RASGRF1: variants seen among roughly 807,000 people sequenced by gnomAD.
The protein encoded by RASGRF1 is Ras protein specific guanine nucleotide releasing factor 1.
A neutral mutation model predicts 138.7 loss-of-function variants in RASGRF1; 40 were observed. The observed-to-expected ratio is 0.29, with a 90% CI of 0.22 to 0.38. The LOEUF is 0.38. Ranked by LOEUF, RASGRF1 falls within the 10% of genes least tolerant of loss-of-function variation. RASGRF1 has a pLI of 1.00. For synonymous variants in RASGRF1, 614 were observed against 663.2 expected (o/e 0.93, Z 1.14); for missense variants, 1,108 against 1,650.4 (o/e 0.67, Z 5.69).
intron 2 of RASGRF1, among the ~76,000 whole-genome samples, chr15:79,062,689 A>AC (rs1020700137): frequency 1.3e-5 from 2 of 151,124 alleles, no homozygotes; most frequent in Non-Finnish European, 2.9e-5. Flanking sequence ...CTTCCCTACC[A>AC]CCCCCCGCTA....
In RASGRF1 at chr15:78,971,924, A is replaced by G; in HGVS notation, c.3623T>C (p.Ile1208Thr). The change falls in exon 26 of 27, where the codon ATT (isoleucine) becomes ACT (threonine). Residue 1208 changes from isoleucine (I) to threonine (T), a missense_variant. Physicochemically the swap from Ile to Thr is moderately conservative, Grantham distance 89. Around this residue, in one of 3 missense-constraint regions of RASGRF1, gnomAD observed 686 missense variants for 976.7 expected, o/e 0.70. Transcript: ENST00000558480. Reference sequence around the variant, plus strand: ...TTGAAACTGGCGAATCTCTCGGATAATATGGGATATCTGTGGGAAGGAAGG... The same window carrying G: ...TTGAAACTGGCGAATCTCTCGGATAGTATGGGATATCTGTGGGAAGGAAGG... ...NFSKMRMISH[I>T]IREIRQFQQT... 1 of 1,581,734 alleles carries G rather than the reference A, an allele frequency of 6.3e-7. No individual in the cohort carries two copies. Among genetic ancestry groups the G allele is most frequent in the Non-Finnish European group, 8.7e-7 (1 of 1,150,498 alleles).
At chr15:78,964,076 A>C (rs1238360926) in intron 26 of RASGRF1, among the ~76,000 whole-genome samples, 3 of 151,862 alleles carry the variant, frequency 2.0e-5, no homozygotes, top group Admixed American at 2.0e-4. Flanking sequence ...AAGTCAGGCT[A>C]ATTTTCCTAA....
intron 24 of RASGRF1, among the ~76,000 whole-genome samples, chr15:78,976,420 G>A (rs1162914792): frequency 6.6e-6 from 1 of 152,152 alleles, no homozygotes; most frequent in African/African-American, 2.4e-5. Flanking sequence ...ATCTCTTAAT[G>A]TTTTAAGAAA....
Position 79,001,388 on chromosome 15 carries a change from G to T in RASGRF1, c.2575+274C>A, listed in dbSNP as rs1258636311. Among the ~76,000 whole-genome samples, 4 of 151,430 alleles carry T rather than the reference G, an allele frequency of 2.6e-5. No individual in the cohort carries two copies. The East Asian group carries it at 7.8e-4, about 29-fold the overall frequency. ...CTCCCTGCCCACCTGTGCTGGGTGG[G>T]CTCAAGGCAGTCTTGTCTGAAGTTG... On this transcript the variant is annotated intron_variant, in intron 16 of 26. Coordinates refer to ENST00000558480, the MANE Select transcript of RASGRF1 (RefSeq NM_001145648.3).
rs1415033304 is a variant in RASGRF1, at chr15:79,032,191, G to A, written c.1084C>T (p.His362Tyr). ...TCGCAGTCAGGCTTGGCCTCGTAGT[G>A]CTTCAGCAGCTTGTCGAAGTCACGG... The part of the protein sequence containing the change: ...QNRDFDKLLK[H>Y]YEAKPDCEER... The change falls in exon 7 of 27, where the codon CAC (histidine) becomes TAC (tyrosine). Residue 362 changes from histidine to tyrosine, a missense_variant. Around this residue, in one of 3 missense-constraint regions of RASGRF1, gnomAD observed 169 missense variants for 344.2 expected, o/e 0.49. Transcript: ENST00000558480. The surrounding 1 kb of genome is among the most constrained non-coding windows in gnomAD (Gnocchi z 4.5). The A allele has an allele frequency of 1.9e-6, 3 of 1,613,982 alleles. No individual in the cohort carries two copies. Among genetic ancestry groups the A allele is most frequent in the South Asian group, 2.2e-5 (2 of 91,076 alleles).
chr15:78,991,843 C>T (rs759416690), intron 20 of RASGRF1, 49 bp from the exon 21 acceptor site: 1 of 1,477,998 alleles, frequency 6.8e-7, no homozygotes. Flanking sequence ...CCATGACGGA[C>T]ACCTCCTGGA....
chr15:79,087,143 G>A (rs908634598), intron 1 of RASGRF1, among the ~76,000 whole-genome samples: 2 of 152,226 alleles, frequency 1.3e-5, no homozygotes, highest in Admixed American at 1.3e-4. Flanking sequence ...TGTTAGGATG[G>A]GCTTGGTGTT....
chr15:79,072,265 A>ATCT (rs2057767794), intron 1 of RASGRF1, among the ~76,000 whole-genome samples: 2 of 46,660 alleles, frequency 4.3e-5, no homozygotes, highest in Admixed American at 5.5e-4. Flanking sequence ...TTGATAAACA[A>ATCT]TCTTTTTTTT....
chr15:79,090,170 C>G (rs2058035181), intron 1 of RASGRF1, 53 bp downstream of exon 1: 1 of 1,524,626 alleles, frequency 6.6e-7, no homozygotes, highest in Non-Finnish European at 8.8e-7. Flanking sequence ...GGCCCTGAGC[C>G]CCCAGGGCCG....
At chr15:79,025,618 T>A in intron 9 of RASGRF1, 144 bp from the exon 10 acceptor site, 1 of 987,118 alleles carries the variant, frequency 1.0e-6, no homozygotes, top group Non-Finnish European at 1.5e-6. Flanking sequence ...CCTGGGATAC[T>A]CCTTTAGGCC....
intron 23 of RASGRF1, chr15:78,980,904 C>A: frequency 2.4e-6 from 1 of 418,686 alleles, no homozygotes; most frequent in Non-Finnish European, 4.3e-6. Context: ...TGCCTGTGCT[C>A]CCACATCTCT....
At chr15:79,002,247 C>T (rs548163905) in intron 15 of RASGRF1, among the ~76,000 whole-genome samples, 21 of 152,206 alleles carry the variant, frequency 1.4e-4, no homozygotes, top group Admixed American at 7.2e-4. Flanking sequence ...CCTATTGCCG[C>T]GTGCCCCTGG....
intron 26 of RASGRF1, 84 bp downstream of exon 26, chr15:78,971,782 G>T: frequency 2.4e-6 from 3 of 1,232,202 alleles, no homozygotes; most frequent in Non-Finnish European, 3.6e-6. Flanking sequence ...GAAAGTGGAC[G>T]GGTATGGAGG....
In RASGRF1 at chr15:78,962,080, G is replaced by A. The variant is rs931929206; in HGVS notation, c.*64C>T. 2.4e-5 allele frequency: 25 copies of A among 1,021,562 alleles called. No individual in the cohort carries two copies. In the African/African-American group the frequency reaches 2.6e-4, roughly 11 times the overall value. The allele number at this position is 1,021,562 out of a possible 1,614,324, so 63.3% of individuals were successfully genotyped here. On this transcript the variant is annotated 3_prime_UTR_variant, in exon 27 of 27. Coordinates refer to ENST00000558480, the MANE Select transcript of RASGRF1 (RefSeq NM_001145648.3). Reference sequence around the variant, plus strand: ...AGAAGAAAATCCAGTGAAACCAAACGAATATGTACAGTATCATCTAGCACA... The same window carrying A: ...AGAAGAAAATCCAGTGAAACCAAACAAATATGTACAGTATCATCTAGCACA...
intron 22 of RASGRF1, among the ~76,000 whole-genome samples, chr15:78,987,340 A>T (rs2056180229): frequency 6.6e-6 from 1 of 152,206 alleles, no homozygotes; most frequent in Non-Finnish European, 1.5e-5. Context: ...AATTAAAAAA[A>T]AAAACCTGGT....
rs1376323472 is a variant in RASGRF1 at position 78,985,216 on chromosome 15, T to C, written c.3217-12A>G. The C allele has an allele frequency of 3.2e-6, 5 of 1,576,248 alleles. No homozygotes were observed. In the African/African-American group the frequency reaches 6.8e-5, roughly 21 times the overall value. On this transcript the variant is annotated splice_polypyrimidine_tract_variant and intron_variant, in intron 22 of 26. Coordinates refer to ENST00000558480, the MANE Select transcript of RASGRF1 (RefSeq NM_001145648.3). Reference sequence around the variant, plus strand: ...ATCAAGTTACTGATCTTTAAGCCGATGCAATAAGACAGGGAAAAAGAGGAG... The same window carrying C: ...ATCAAGTTACTGATCTTTAAGCCGACGCAATAAGACAGGGAAAAAGAGGAG...
rs143523531 is a variant in RASGRF1, at chr15:78,976,190, G to A, written c.3495-2770C>T. Among the ~76,000 whole-genome samples the A allele has an allele frequency of 3.9e-3, 594 of 152,166 alleles. 2 individuals carry two copies. The highest frequency in any genetic ancestry group is 6.3e-3 in the Non-Finnish European group (430 of 68,006). On this transcript the variant is annotated intron_variant, in intron 24 of 26. Coordinates refer to ENST00000558480, the MANE Select transcript of RASGRF1 (RefSeq NM_001145648.3). ...TCCCCTGGTATTTATGGGGAGTCAT[G>A]GTTCAGCTGTGGGAAGGTGGTGGAT...
At chr15:79,028,386 C>T (rs1381331855) in intron 8 of RASGRF1, among the ~76,000 whole-genome samples, 1 of 152,116 alleles carries the variant, frequency 6.6e-6, no homozygotes, top group Non-Finnish European at 1.5e-5. Context: ...ATCGCTTGGG[C>T]CCTGAAATGG....
chr15:78,982,380 G>A (rs1467451704), intron 23 of RASGRF1, among the ~76,000 whole-genome samples: 1 of 152,144 alleles, frequency 6.6e-6, no homozygotes, highest in East Asian at 1.9e-4. Context: ...TCCTCTTTGG[G>A]TTGTCATGCT....
Sources: allele counts gnomAD v4.1 joint callset (sites outside exome capture counted in the v4.1 genomes callset), GRCh38; gene constraint gnomAD v4.1.1; regional missense constraint gnomAD v4.1.1; non-coding constraint Gnocchi (gnomAD v3.1); transcripts MANE v1.5; gene names NCBI Gene and HGNC (gene_info 2026-07-23, HGNC 2026-07-21).